SLC35D4: variants seen among roughly 807,000 people sequenced by gnomAD.
SLC35D4 encodes the protein UDP-N-acetylglucosamine transporter SLC35D4.
the SLC35D4 span, among the ~76,000 whole-genome samples, chr18:23,342,434 T>C: frequency 1.3e-5 from 2 of 152,064 alleles, no homozygotes; most frequent in African/African-American, 2.4e-5. Context: ...GTATTCCAAA[T>C]TGTATATATA....
At chr18:23,296,217 G>A in the SLC35D4 span, 3 of 151,886 alleles carry the variant, frequency 2.0e-5, no homozygotes, top group Non-Finnish European at 2.9e-5. Context: ...CATTCTGCAC[G>A]TGTACCCCAG....
At chr18:23,354,362 A>AAAAAAAAAC in the SLC35D4 span, among the ~76,000 whole-genome samples, 1 of 149,618 alleles carries the variant, frequency 6.7e-6, no homozygotes, top group African/African-American at 2.5e-5. Context: ...AAAAAAAAAA[A>AAAAAAAAAC]AAAAGAAAAT....
At chr18:23,247,898 C>A in the SLC35D4 span, among the ~76,000 whole-genome samples, 1 of 152,236 alleles carries the variant, frequency 6.6e-6, no homozygotes, top group Non-Finnish European at 1.5e-5. Flanking sequence ...AAGCACTGGG[C>A]TCCCTGGGCC....
chr18:23,434,436 T>C, the SLC35D4 span, among the ~76,000 whole-genome samples: 1 of 152,208 alleles, frequency 6.6e-6, no homozygotes, highest in African/African-American at 2.4e-5. Context: ...AACAATTTGG[T>C]TTAATTTCAT....
chr18:23,262,910 G>A, the SLC35D4 span, among the ~76,000 whole-genome samples: 4 of 152,358 alleles, frequency 2.6e-5, no homozygotes, highest in East Asian at 7.7e-4. Context: ...ACCAGAACAG[G>A]CTAGTGAGAA....
At chr18:23,403,261 G>A in the SLC35D4 span, among the ~76,000 whole-genome samples, 5 of 152,160 alleles carry the variant, frequency 3.3e-5, no homozygotes, top group African/African-American at 7.2e-5. Context: ...GGTGGGAACC[G>A]TATGTGTTTT....
chr18:23,285,696 G>A, the SLC35D4 span, among the ~76,000 whole-genome samples: 1 of 151,826 alleles, frequency 6.6e-6, no homozygotes, highest in Non-Finnish European at 1.5e-5. Context: ...AGACCTATCT[G>A]ACCTCTCCCC....
chr18:23,332,993 G>A, the SLC35D4 span, among the ~76,000 whole-genome samples: 2 of 152,126 alleles, frequency 1.3e-5, no homozygotes, highest in Admixed American at 1.3e-4. Flanking sequence ...TCCACAGCCG[G>A]TTATAAGATA....
chr18:23,396,286 C>T, the SLC35D4 span, among the ~76,000 whole-genome samples: 1 of 152,156 alleles, frequency 6.6e-6, no homozygotes, highest in Non-Finnish European at 1.5e-5. Flanking sequence ...CATAACAATA[C>T]ATCTACGGAT....
At chr18:23,246,643 G>C in the SLC35D4 span, among the ~76,000 whole-genome samples, 1 of 151,458 alleles carries the variant, frequency 6.6e-6, no homozygotes, top group Non-Finnish European at 1.5e-5. Context: ...CGCCCACCTT[G>C]GCCTCCCAAA....
the SLC35D4 span, among the ~76,000 whole-genome samples, chr18:23,418,253 C>T: frequency 2.0e-5 from 3 of 151,964 alleles, no homozygotes; most frequent in East Asian, 5.8e-4. Flanking sequence ...TGGTCAGGTA[C>T]ATTAATGTAC....
the SLC35D4 span, chr18:23,399,787 A>T: frequency 1.4e-6 from 1 of 738,310 alleles, no homozygotes; most frequent in Non-Finnish European, 2.3e-6. Context: ...GTTAAGTGAG[A>T]TGTAGTCTTT....
At chr18:23,288,740 C>A in the SLC35D4 span, among the ~76,000 whole-genome samples, 2 of 152,170 alleles carry the variant, frequency 1.3e-5, no homozygotes, top group East Asian at 3.8e-4. Flanking sequence ...GCCTTCCCAC[C>A]TTTATACAGT....
At chr18:23,309,555 T>C in the SLC35D4 span, 1 of 773,510 alleles carries the variant, frequency 1.3e-6, no homozygotes, top group Non-Finnish European at 2.2e-6. Flanking sequence ...ATATGAGATT[T>C]GCATTTGGAT....
chr18:23,420,928 AAG>A, the SLC35D4 span, among the ~76,000 whole-genome samples: 2 of 152,146 alleles, frequency 1.3e-5, no homozygotes, highest in Non-Finnish European at 2.9e-5. Flanking sequence ...GAAGGGAACT[AAG>A]AGATCAAACA....
At chr18:23,417,719 A>T in the SLC35D4 span, among the ~76,000 whole-genome samples, 4 of 152,324 alleles carry the variant, frequency 2.6e-5, no homozygotes, top group African/African-American at 9.6e-5. Context: ...AAACAAAAAA[A>T]TTTTTCATGG....
chr18:23,436,033 CTTTTTTTTTTTT>C, the SLC35D4 span, among the ~76,000 whole-genome samples: 15 of 96,244 alleles, frequency 1.6e-4, no homozygotes, highest in Admixed American at 6.0e-4. Flanking sequence ...AACACTTTCT[CTTTTTTTTTTTT>C]TTTTTTTTGA....
chr18:23,274,355 AGGGATT>A, the SLC35D4 span, among the ~76,000 whole-genome samples: 2 of 152,200 alleles, frequency 1.3e-5, no homozygotes, highest in African/African-American at 4.8e-5. Context: ...TCCCTGATCG[AGGGATT>A]GGGAAAGACC....
At chr18:23,300,047 C>A in the SLC35D4 span, among the ~76,000 whole-genome samples, 10 of 152,118 alleles carry the variant, frequency 6.6e-5, no homozygotes, top group Admixed American at 2.6e-4. Flanking sequence ...GAAATTGTGA[C>A]CCAAGTTCCC....
Sources: gnomAD v4.1 joint callset for allele counts (sites outside exome capture counted in the v4.1 genomes callset) on GRCh38, gnomAD v4.1.1 for gene constraint, MANE v1.5 for transcripts, NCBI Gene and HGNC (gene_info 2026-07-23, HGNC 2026-07-21) for gene names.